Variants in ZNFX1 observed in about 807,000 individuals in gnomAD.
The protein encoded by ZNFX1 is NFX1-type zinc finger-containing protein 1.
ZNFX1 carries 78 observed loss-of-function variants against 179.8 expected under a neutral mutation model. That is an observed-to-expected ratio of 0.43 (90% CI 0.36 to 0.52). The LOEUF (loss-of-function observed/expected upper bound fraction) is 0.52. Ranked by LOEUF, ZNFX1 falls within the 20% of genes least tolerant of loss-of-function variation. The pLI, the probability that ZNFX1 is intolerant of heterozygous loss-of-function variation, is 0.00. For missense variants in ZNFX1, 1,927 were observed against 2,386.6 expected, an observed-to-expected ratio of 0.81 and a Z score of 4.01; for synonymous variants, 848 against 868.5, an observed-to-expected ratio of 0.98 and a Z score of 0.42.
intron 6 of ZNFX1, among the ~76,000 whole-genome samples, chr20:49,263,083 A>G (rs1442665285): frequency 6.6e-6 from 1 of 152,200 alleles, no homozygotes; most frequent in East Asian, 1.9e-4. Context: ...CCCATTTTAT[A>G]AAAGGGGAAA....
At position 49,257,259 on chromosome 20, in the gene ZNFX1, C is replaced by A. The variant is rs142157079; in HGVS notation, c.2664+158G>T. ...CTCTGAAGAACCATCGTATTTATAT[C>A]CTTGGGAATCACTAAAGCCATCTCA... On this transcript the variant is annotated intron_variant, in intron 8 of 13. Coordinates refer to ENST00000396105, the MANE Select transcript of ZNFX1 (RefSeq NM_021035.3). Among the ~76,000 whole-genome samples, 128 of 152,270 alleles carry A rather than the reference C, an allele frequency of 8.4e-4. 1 individual carries two copies. Among genetic ancestry groups the A allele is most frequent in the African/African-American group, 3.1e-3 (128 of 41,544 alleles).
chr20:49,253,051 T>C (rs1313248478), intron 11 of ZNFX1, among the ~76,000 whole-genome samples: 1 of 152,164 alleles, frequency 6.6e-6, no homozygotes, highest in Non-Finnish European at 1.5e-5. Flanking sequence ...TTTTTCTAGC[T>C]AGGCCTCTGA....
At chr20:49,275,456 C>T (rs1314663921) in intron 2 of ZNFX1, among the ~76,000 whole-genome samples, 1 of 152,112 alleles carries the variant, frequency 6.6e-6, no homozygotes, top group Non-Finnish European at 1.5e-5. Flanking sequence ...AAGGGATCCT[C>T]CCACTTCAGC....
rs1209878534 is a variant in ZNFX1 at position 49,263,445 on chromosome 20, A to C, written c.2190T>G (p.His730Gln). 6.2e-7 allele frequency: 1 copy of C among 1,604,786 alleles called. No homozygotes were observed. Residue 730 changes from histidine (H) to glutamine (Q), a missense_variant, in exon 6 of 14, where the codon CAT (histidine) becomes CAG (glutamine). By Grantham distance (24) the His-to-Gln change is conservative. Coordinates refer to ENST00000396105, the MANE Select transcript of ZNFX1 (RefSeq NM_021035.3). The part of the protein sequence containing the change: ...TQMKESEQEL[H>Q]EGAKTLECTM... The stretch of plus-strand genomic sequence containing the variant: ...TGCACTCCAGGGTCTTGGCTCCTTC[A>C]TGAAGCTCTTGCTCTGACTCCTTCA...
chr20:49,267,554 T>C (rs113117096), intron 3 of ZNFX1, among the ~76,000 whole-genome samples: 2 of 150,844 alleles, frequency 1.3e-5, no homozygotes, highest in Non-Finnish European at 3.0e-5. Context: ...CTGTTTGGGG[T>C]TTTGTTTTCT....
In ZNFX1 at chr20:49,248,874, G is replaced by A. The variant is rs752575926; in HGVS notation, c.4150C>T (p.His1384Tyr). Residue 1384 changes from histidine (H) to tyrosine (Y), a missense_variant, in exon 14 of 14, where the codon CAC (histidine) becomes TAC (tyrosine). Physicochemically the swap from His to Tyr is moderately conservative, Grantham distance 83. Coordinates refer to ENST00000396105, the MANE Select transcript of ZNFX1 (RefSeq NM_021035.3). This position sits in a 1 kb window ranked among gnomAD's most constrained non-coding sequence, Gnocchi z 4.6. ...EPCSKSLRCGHRCSHPCGEDC... is the reference protein window; with the variant it reads ...EPCSKSLRCGYRCSHPCGEDC... ...TCACCACATGGGTGGCTGCATCTGTGCCCACATCTCAGAGACTTGGAGCAA... is the reference window on the plus strand; with the variant it reads ...TCACCACATGGGTGGCTGCATCTGTACCCACATCTCAGAGACTTGGAGCAA... 1.2e-6 allele frequency: 2 copies of A among 1,614,250 alleles called. No homozygotes were observed. The highest frequency in any genetic ancestry group is 1.7e-6 in the Non-Finnish European group (2 of 1,180,058).
Position 49,263,492 on chromosome 20 carries a change from A to G in ZNFX1, c.2152-9T>C. On this transcript the variant is annotated splice_polypyrimidine_tract_variant and intron_variant, in intron 5 of 13. Transcript: ENST00000396105. ...TTCATCTGTGTCATGATCTTCCAAGAACAGAGGGAAAGAAATGATGAGGAA... is the reference window on the plus strand; with the variant it reads ...TTCATCTGTGTCATGATCTTCCAAGGACAGAGGGAAAGAAATGATGAGGAA... 1 of 1,566,198 alleles carries G rather than the reference A, an allele frequency of 6.4e-7. No homozygotes were observed.
chr20:49,268,634 C>G (rs1299778726), intron 3 of ZNFX1, among the ~76,000 whole-genome samples: 8 of 152,036 alleles, frequency 5.3e-5, no homozygotes, highest in Non-Finnish European at 1.0e-4. Context: ...CATCTAAGGT[C>G]TAATATCTGC....
In ZNFX1 at chr20:49,246,641, T is replaced by C; in HGVS notation, c.*626A>G. 2.9e-6 allele frequency: 1 copy of C among 341,300 alleles called. No homozygotes were observed. Among genetic ancestry groups the C allele is most frequent in the Non-Finnish European group, 5.8e-6 (1 of 172,274 alleles). The allele number at this position is 341,300 out of a possible 1,614,324, so 21.1% of individuals were successfully genotyped here. Reference sequence around the variant, plus strand: ...CCTGGGGAACAATGTAGAATAAACATCTGACCAAGTAAAGACCCAGAGATA... The same window carrying C: ...CCTGGGGAACAATGTAGAATAAACACCTGACCAAGTAAAGACCCAGAGATA... On this transcript the variant is annotated 3_prime_UTR_variant, in exon 14 of 14. Coordinates refer to ENST00000396105, the MANE Select transcript of ZNFX1 (RefSeq NM_021035.3).
Position 49,249,025 on chromosome 20 carries a change from AC to A in ZNFX1, c.3998del (p.Cys1333PhefsTer14). ...QKVICQEGHR[C>X]PLVCFQECQP... is the part of the protein sequence containing the mutation. Reference sequence around the variant, plus strand: ...GACACTCCTGGAAGCAAACAAGGGGACACCGGTGCCCTTCCTGACAGATGAC... The same window carrying A: ...GACACTCCTGGAAGCAAACAAGGGGAACCGGTGCCCTTCCTGACAGATGAC... On this transcript the variant is annotated frameshift_variant, in exon 14 of 14. Transcript: ENST00000396105. LOFTEE classifies it high-confidence loss of function. 1 of 1,614,218 alleles carries A rather than the reference AC, an allele frequency of 6.2e-7. No homozygotes were observed. The highest frequency in any genetic ancestry group is 8.5e-7 in the Non-Finnish European group (1 of 1,180,032).
In ZNFX1 at chr20:49,271,751, C is replaced by T; in HGVS notation, c.62-1G>A. On this transcript the variant is annotated splice_acceptor_variant, in intron 2 of 13. Coordinates refer to ENST00000396105, the MANE Select transcript of ZNFX1 (RefSeq NM_021035.3). LOFTEE classifies it high-confidence loss of function. ...GGTGGTAACTCTCCATCCACAGGGC[C>T]TAAACACAATGAAATATTGAGTAAC... 6.3e-7 allele frequency: 1 copy of T among 1,599,552 alleles called. No individual in the cohort carries two copies. The highest frequency in any genetic ancestry group is 8.5e-7 in the Non-Finnish European group (1 of 1,171,606).
chr20:49,250,953 C>T lies in ZNFX1; in HGVS notation c.3312+574G>A, dbSNP rs1600984841. ...CTTGATCCCTTGACCTTGTGATTCGCCCGCCTCGGCCTCACAAAGCTCTGG... is the reference window on the plus strand; with the variant it reads ...CTTGATCCCTTGACCTTGTGATTCGTCCGCCTCGGCCTCACAAAGCTCTGG... On this transcript the variant is annotated intron_variant, in intron 13 of 13. Transcript: ENST00000396105. Among the ~76,000 whole-genome samples, 5 of 152,302 alleles carry T rather than the reference C, an allele frequency of 3.3e-5. 1 individual carries two copies. The highest frequency in any genetic ancestry group is 1.9e-4 in the East Asian group (1 of 5,188).
chr20:49,264,457 G>A (rs73913311), intron 5 of ZNFX1, among the ~76,000 whole-genome samples: 2,700 of 152,278 alleles, frequency 0.018, 78 homozygotes, highest in African/African-American at 0.062. Context: ...TGTACACAGA[G>A]GTGCTGTGGG....
chr20:49,252,326 G>A (rs1980859800), intron 12 of ZNFX1, among the ~76,000 whole-genome samples: 1 of 151,296 alleles, frequency 6.6e-6, no homozygotes, highest in Admixed American at 6.6e-5. Flanking sequence ...ATTTTTAGTA[G>A]AGACAGGCTT....
chr20:49,256,556 C>A (rs1040434633), intron 8 of ZNFX1, among the ~76,000 whole-genome samples: 9 of 152,218 alleles, frequency 5.9e-5, no homozygotes, highest in Non-Finnish European at 8.8e-5. Context: ...CTGGCCGTCA[C>A]TGAGTCTGAG....
Position 49,247,124 on chromosome 20 carries a change from C to T in ZNFX1, c.*143G>A. 8.4e-7 allele frequency: 1 copy of T among 1,185,906 alleles called. No homozygotes were observed. The highest frequency in any genetic ancestry group is 1.2e-6 in the Non-Finnish European group (1 of 857,304). The allele number at this position is 1,185,906 out of a possible 1,614,324, so 73.5% of individuals were successfully genotyped here. ...CCTCGTGATCCGCCTGCCTCGGCCT[C>T]CCAAAGTGCTGGGATTACAGGCGTA... On this transcript the variant is annotated 3_prime_UTR_variant, in exon 14 of 14. Coordinates refer to ENST00000396105, the MANE Select transcript of ZNFX1 (RefSeq NM_021035.3).
At chr20:49,262,294 T>C (rs1415856167) in intron 6 of ZNFX1, among the ~76,000 whole-genome samples, 2 of 151,016 alleles carry the variant, frequency 1.3e-5, no homozygotes, top group African/African-American at 2.4e-5. Flanking sequence ...TAATCCTAGC[T>C]ACTCAAGAGG....
Position 49,266,219 on chromosome 20 carries a change from C to T in ZNFX1, c.1918G>A (p.Glu640Lys), listed in dbSNP as rs769128311. Residue 640 changes from glutamate (E) to lysine (K), a missense_variant, in exon 4 of 14, where the codon GAG becomes AAG. Glu to Lys is a moderately conservative substitution (Grantham distance 56). Transcript: ENST00000396105. ...LKIVQALLTNESVWQISLQKF... is the reference protein window; with the variant it reads ...LKIVQALLTNKSVWQISLQKF... ...TGGAGGCTAATTTGCCAAACAGACT[C>T]GTTGGTTAGGAGGGCCTGAACAATT... The T allele has an allele frequency of 9.9e-6, 16 of 1,612,982 alleles. No homozygotes were observed. Among genetic ancestry groups the T allele is most frequent in the East Asian group, 2.2e-5 (1 of 44,798 alleles).
In ZNFX1 at chr20:49,247,446, A is replaced by G; in HGVS notation, c.5578T>C (p.Cys1860Arg). Residue 1860 changes from cysteine (C) to arginine (R), a missense_variant, in exon 14 of 14, where the codon TGT (cysteine) becomes CGT (arginine). Physicochemically the swap from Cys to Arg is radical, Grantham distance 180. Coordinates refer to ENST00000396105, the MANE Select transcript of ZNFX1 (RefSeq NM_021035.3). ...GTGCCCCTCTCCATGGCTCCCCCAC[A>G]ATCGCCAATCACATAGATATGGCCA... ...RNGHIYVIGD[C>R]GGAMERGTCP... The G allele has an allele frequency of 1.2e-6, 2 of 1,614,134 alleles. No homozygotes were observed. The highest frequency in any genetic ancestry group is 1.3e-5 in the African/African-American group (1 of 75,024).
Sources: gnomAD v4.1 joint callset for allele counts (sites outside exome capture counted in the v4.1 genomes callset) on GRCh38, gnomAD v4.1.1 for gene constraint, Gnocchi (gnomAD v3.1) non-coding constraint, MANE v1.5 for transcripts, NCBI Gene and HGNC (gene_info 2026-07-23, HGNC 2026-07-21) for gene names.